The following RAPGEF4 variants were observed in gnomAD, a reference collection of about 807,000 sequenced individuals.
RAPGEF4 encodes the protein Rap guanine nucleotide exchange factor 4.
Under a neutral mutation model 147.9 loss-of-function variants are expected in RAPGEF4, and 66 were observed. That is an observed-to-expected ratio of 0.45 (90% CI 0.37 to 0.55). RAPGEF4 has a LOEUF of 0.55. RAPGEF4 is among the 20% of genes least tolerant of loss of function. The pLI is 0.00. For synonymous variants in RAPGEF4, 419 were observed against 442.7 expected, an observed-to-expected ratio of 0.95 and a Z score of 0.67; for missense variants, 1,071 against 1,257.3, an observed-to-expected ratio of 0.85 and a Z score of 2.24.
At chr2:172,883,651 A>T (rs1248172526) in intron 4 of RAPGEF4, among the ~76,000 whole-genome samples, 1 of 152,164 alleles carries the variant, frequency 6.6e-6, no homozygotes, top group Admixed American at 6.5e-5. Flanking sequence ...ATACCTGGTG[A>T]AGTTTTACCC....
At chr2:172,855,453 A>T (rs987820416) in intron 4 of RAPGEF4, among the ~76,000 whole-genome samples, 3 of 152,142 alleles carry the variant, frequency 2.0e-5, no homozygotes, top group African/African-American at 7.2e-5. Context: ...TAATATTTTT[A>T]AGTAATATTT....
chr2:172,927,027 T>C (rs1323068860), intron 6 of RAPGEF4, among the ~76,000 whole-genome samples: 1 of 152,220 alleles, frequency 6.6e-6, no homozygotes, highest in African/African-American at 2.4e-5. Flanking sequence ...TAATTAGTAA[T>C]GACCCAGCCT....
intron 1 of RAPGEF4, among the ~76,000 whole-genome samples, chr2:172,776,832 A>G (rs1490916125): frequency 6.6e-6 from 1 of 152,112 alleles, no homozygotes; most frequent in East Asian, 1.9e-4. Flanking sequence ...CTGTTCATGC[A>G]TTATGATAAT....
intron 16 of RAPGEF4, among the ~76,000 whole-genome samples, chr2:173,000,881 A>G (rs1693846988): frequency 6.6e-6 from 1 of 151,968 alleles, no homozygotes; most frequent in Non-Finnish European, 1.5e-5. Flanking sequence ...AAAAAGACAT[A>G]AAAGAGAAAG....
chr2:172,976,201 A>T (rs1235897632), intron 10 of RAPGEF4, among the ~76,000 whole-genome samples: 1 of 152,346 alleles, frequency 6.6e-6, no homozygotes, highest in East Asian at 1.9e-4. Flanking sequence ...GGTTAAAGAT[A>T]AGGTGAGGGG....
At chr2:172,820,947 C>T (rs548704469) in intron 4 of RAPGEF4, among the ~76,000 whole-genome samples, 1 of 152,214 alleles carries the variant, frequency 6.6e-6, no homozygotes, top group South Asian at 2.1e-4. Flanking sequence ...ATCTTTCAAG[C>T]CACAGTGAGA....
At chr2:172,997,482 A>T in intron 16 of RAPGEF4, among the ~76,000 whole-genome samples, 1 of 152,224 alleles carries the variant, frequency 6.6e-6, no homozygotes, top group East Asian at 1.9e-4. Flanking sequence ...AATTCAACAC[A>T]TAACATCTGC....
chr2:173,015,275 C>T (rs557706341), intron 18 of RAPGEF4, among the ~76,000 whole-genome samples: 184 of 152,272 alleles, frequency 1.2e-3, no homozygotes, highest in African/African-American at 4.3e-3. Context: ...TGCACTTCCC[C>T]GTTCCTTCCC....
intron 1 of RAPGEF4, among the ~76,000 whole-genome samples, chr2:172,764,853 TTG>T (rs879435119): frequency 4.6e-5 from 7 of 152,172 alleles, no homozygotes; most frequent in Admixed American, 4.6e-4. Context: ...CTTATCAGAG[TTG>T]GAGCCAGCAC....
chr2:173,008,790 A>T (rs550694248), intron 17 of RAPGEF4, among the ~76,000 whole-genome samples: 1 of 152,366 alleles, frequency 6.6e-6, no homozygotes, highest in African/African-American at 2.4e-5. Context: ...GCAGTTAAAA[A>T]AAAGTACAGA....
chr2:173,002,750 C>T (rs941508316), intron 17 of RAPGEF4, among the ~76,000 whole-genome samples: 2 of 151,518 alleles, frequency 1.3e-5, no homozygotes, highest in Non-Finnish European at 2.9e-5. Flanking sequence ...TGTATGAGGA[C>T]AGGAGATTTG....
At chr2:172,979,708 C>T (rs980189795) in intron 10 of RAPGEF4, among the ~76,000 whole-genome samples, 3 of 152,202 alleles carry the variant, frequency 2.0e-5, no homozygotes, top group Non-Finnish European at 4.4e-5. Context: ...AGACCATGTG[C>T]CACGGAGGAA....
intron 4 of RAPGEF4, among the ~76,000 whole-genome samples, chr2:172,880,640 A>G (rs1049425305): frequency 2.6e-5 from 4 of 152,238 alleles, no homozygotes; most frequent in Non-Finnish European, 5.9e-5. Context: ...ACTTAGCTAT[A>G]TGGCTAGTTG....
At chr2:172,764,244 C>A (rs1472764183) in intron 1 of RAPGEF4, among the ~76,000 whole-genome samples, 8 of 91,512 alleles carry the variant, frequency 8.7e-5, no homozygotes, top group Admixed American at 1.4e-4. Flanking sequence ...CAAAACGAGA[C>A]CCTGTCTCAA....
At chr2:172,883,487 T>G (rs1696845063) in intron 4 of RAPGEF4, among the ~76,000 whole-genome samples, 1 of 152,098 alleles carries the variant, frequency 6.6e-6, no homozygotes, top group Admixed American at 6.6e-5. Flanking sequence ...AATTGAACTT[T>G]GGACATTCAA....
intron 15 of RAPGEF4, among the ~76,000 whole-genome samples, chr2:172,995,062 G>A (rs967364197): frequency 2.0e-5 from 3 of 152,038 alleles, no homozygotes; most frequent in Non-Finnish European, 4.4e-5. Flanking sequence ...ATGTTAAAAT[G>A]TCTGCACATC....
chr2:172,821,412 T>C (rs1689047779), intron 4 of RAPGEF4, among the ~76,000 whole-genome samples: 1 of 152,158 alleles, frequency 6.6e-6, no homozygotes, highest in African/African-American at 2.4e-5. Flanking sequence ...GAGCTTACTT[T>C]TGGCAACCTT....
chr2:172,911,444 G>T (rs2150006262), intron 4 of RAPGEF4, among the ~76,000 whole-genome samples: 1 of 152,160 alleles, frequency 6.6e-6, no homozygotes, highest in Non-Finnish European at 1.5e-5. Flanking sequence ...GTTTTCTGTG[G>T]CTCCTGGCTT....
At chr2:172,977,897 T>C (rs1436808967) in intron 10 of RAPGEF4, among the ~76,000 whole-genome samples, 1 of 152,246 alleles carries the variant, frequency 6.6e-6, no homozygotes, top group African/African-American at 2.4e-5. Flanking sequence ...CCTGGGTGGA[T>C]TGCCAAATGA....
Sources: allele counts gnomAD v4.1 joint callset (sites outside exome capture counted in the v4.1 genomes callset), GRCh38; gene constraint gnomAD v4.1.1; transcripts MANE v1.5; gene names NCBI Gene and HGNC (gene_info 2026-07-23, HGNC 2026-07-21).